Variants in CNST observed in about 807,000 individuals in gnomAD.
CNST encodes consortin.
CNST carries 39 observed loss-of-function variants against 72.4 expected under a neutral mutation model. The ratio of observed to expected loss-of-function variants is 0.54; its 90% CI spans 0.42 to 0.70. CNST has a LOEUF of 0.70. Ranked by LOEUF, CNST falls within the 30% of genes least tolerant of loss-of-function variation. The pLI is 0.00. For missense variants in CNST, 871 were observed against 868.5 expected, an observed-to-expected ratio of 1.00 and a Z score of -0.04; for synonymous variants, 332 against 320.1, an observed-to-expected ratio of 1.04 and a Z score of -0.40.
intron 6 of CNST, among the ~76,000 whole-genome samples, chr1:246,636,478 C>A (rs1293969530): frequency 1.3e-5 from 2 of 152,178 alleles, no homozygotes; most frequent in Non-Finnish European, 2.9e-5. Context: ...AAGCGCGATG[C>A]CCTCTCCTAG....
At chr1:246,632,005 C>T (rs780698092) in intron 4 of CNST, 81 bp downstream of exon 4, 3 of 849,334 alleles carry the variant, frequency 3.5e-6, no homozygotes, top group Non-Finnish European at 5.8e-6. Flanking sequence ...GTATATTTTA[C>T]ATGTAATAGA....
intron 1 of CNST, among the ~76,000 whole-genome samples, chr1:246,585,623 G>A (rs1388414952): frequency 7.4e-6 from 1 of 135,400 alleles, no homozygotes; most frequent in Admixed American, 8.3e-5. Context: ...TCCAGCCTGG[G>A]CAACAGAGAC....
chr1:246,582,299 C>G (rs1400246060), intron 1 of CNST, among the ~76,000 whole-genome samples: 1 of 152,034 alleles, frequency 6.6e-6, no homozygotes, highest in Non-Finnish European at 1.5e-5. Flanking sequence ...GGGTTCATAA[C>G]TGTCTTTTAC....
intron 2 of CNST, among the ~76,000 whole-genome samples, chr1:246,618,757 A>G (rs758511160): frequency 6.6e-6 from 1 of 152,204 alleles, no homozygotes; most frequent in Non-Finnish European, 1.5e-5. Context: ...GTAACATTGA[A>G]TATTAAAGTA....
intron 10 of CNST, among the ~76,000 whole-genome samples, chr1:246,664,635 C>A (rs955276575): frequency 6.6e-6 from 1 of 151,816 alleles, no homozygotes; most frequent in Non-Finnish European, 1.5e-5. Flanking sequence ...ACCGTGTCAG[C>A]CAGGATGGTC....
chr1:246,604,571 A>T (rs1390824357), intron 2 of CNST, among the ~76,000 whole-genome samples: 1 of 151,990 alleles, frequency 6.6e-6, no homozygotes, highest in African/African-American at 2.4e-5. Flanking sequence ...TTTTAAGGAA[A>T]ATTTCACTGT....
intron 8 of CNST, 45 bp downstream of exon 8, chr1:246,642,082 C>T (rs748222370): frequency 1.1e-4 from 115 of 1,033,906 alleles, no homozygotes; most frequent in Non-Finnish European, 1.6e-4. Flanking sequence ...AAGATACCTG[C>T]CTCTTCTGAT....
intron 10 of CNST, among the ~76,000 whole-genome samples, chr1:246,664,625 A>G (rs1209269103): frequency 6.6e-6 from 1 of 151,826 alleles, no homozygotes; most frequent in African/African-American, 2.4e-5. Flanking sequence ...ACGGGGTTTC[A>G]CCGTGTCAGC....
intron 6 of CNST, among the ~76,000 whole-genome samples, chr1:246,637,033 A>G (rs1256790403): frequency 6.6e-6 from 1 of 152,246 alleles, no homozygotes; most frequent in Non-Finnish European, 1.5e-5. Context: ...CGGATTGGGT[A>G]GATACAGGCC....
chr1:246,659,426 C>T (rs955337554), intron 9 of CNST, among the ~76,000 whole-genome samples: 1 of 152,132 alleles, frequency 6.6e-6, no homozygotes, highest in African/African-American at 2.4e-5. Flanking sequence ...AACCCCGTCT[C>T]TACTGAAAAT....
intron 2 of CNST, among the ~76,000 whole-genome samples, chr1:246,604,043 CCAACACGGT>C (rs1662501773): frequency 6.6e-6 from 1 of 152,156 alleles, no homozygotes; most frequent in Non-Finnish European, 1.5e-5. Context: ...GGCCAACTGG[CCAACACGGT>C]GAAACCCCAT....
intron 1 of CNST, among the ~76,000 whole-genome samples, chr1:246,573,199 G>C (rs1660174112): frequency 6.6e-6 from 1 of 152,164 alleles, no homozygotes; most frequent in Non-Finnish European, 1.5e-5. Context: ...AAATTTTGTT[G>C]TGGAGTTCTT....
rs143506575 is a variant in CNST, at chr1:246,647,715, G to C, written c.1514G>C (p.Gly505Ala). ...CCACAGGCGCAGGCTGACTCAGACG[G>C]TTCTGAGAATGTGCTCTGTGGAAAT... ...KSPQAQADSD[G>A]SENVLCGNNQ... The change falls in exon 9 of 11, where the codon GGT (glycine) becomes GCT (alanine). Residue 505 changes from glycine to alanine, a missense_variant. Gly to Ala is a moderately conservative substitution (Grantham distance 60). Transcript: ENST00000366513. 5 of 1,614,156 alleles carry C rather than the reference G, an allele frequency of 3.1e-6. No individual in the cohort carries two copies. In the Middle Eastern group the frequency reaches 6.6e-4, roughly 213 times the overall value.
At chr1:246,592,034 T>A in intron 2 of CNST, 93 bp downstream of exon 2, 2 of 1,021,696 alleles carry the variant, frequency 2.0e-6, no homozygotes, top group Non-Finnish European at 1.4e-6. Context: ...TGCACCTTGC[T>A]TCTTTGCTTA....
In CNST at chr1:246,660,157, C is replaced by T. The variant is rs376791589; in HGVS notation, c.1837-42C>T. 67 of 1,553,646 alleles carry T rather than the reference C, an allele frequency of 4.3e-5. 1 individual carries two copies. The highest frequency in any genetic ancestry group is 2.0e-4 in the East Asian group (9 of 44,180). On this transcript the variant is annotated intron_variant, in intron 9 of 10. Coordinates refer to ENST00000366513, the MANE Select transcript of CNST (RefSeq NM_152609.3). ...TTTATAGCTACATGTAGAGATGTCC[C>T]GCCTTAATAAAAGAATTATAGGTTC...
chr1:246,614,140 T>C (rs1414900697), intron 2 of CNST, among the ~76,000 whole-genome samples: 1 of 152,174 alleles, frequency 6.6e-6, no homozygotes, highest in Admixed American at 6.5e-5. Context: ...TTTTTGATTA[T>C]GGAATATTCG....
intron 1 of CNST, among the ~76,000 whole-genome samples, chr1:246,586,233 TTATTA>T (rs1367275694): frequency 2.0e-5 from 3 of 147,562 alleles, no homozygotes; most frequent in Non-Finnish European, 3.0e-5. Flanking sequence ...TATATACCTT[TTATTA>T]TATCTGATAT....
intron 6 of CNST, among the ~76,000 whole-genome samples, chr1:246,636,628 C>A (rs953728837): frequency 5.9e-5 from 9 of 152,226 alleles, no homozygotes; most frequent in Admixed American, 4.6e-4. Context: ...AATCCATTCT[C>A]TCTTTCTGTC....
intron 9 of CNST, among the ~76,000 whole-genome samples, chr1:246,657,238 C>T (rs2103158203): frequency 6.6e-6 from 1 of 152,212 alleles, no homozygotes; most frequent in Non-Finnish European, 1.5e-5. Flanking sequence ...ATGCTGTCCG[C>T]CACTCCCACC....
Sources: gnomAD v4.1 joint callset for allele counts (sites outside exome capture counted in the v4.1 genomes callset) on GRCh38, gnomAD v4.1.1 for gene constraint, MANE v1.5 for transcripts, NCBI Gene and HGNC (gene_info 2026-07-23, HGNC 2026-07-21) for gene names.